Variants in SAMD5 observed in about 807,000 individuals in gnomAD.
SAMD5 encodes sterile alpha motif domain-containing protein 5.
A neutral mutation model predicts 11.3 loss-of-function variants in SAMD5; 13 were observed. That is an observed-to-expected ratio of 1.15 (90% confidence interval 0.75 to 1.83). The LOEUF (loss-of-function observed/expected upper bound fraction) is 1.83. Ranked by LOEUF, SAMD5 falls within the 40% of genes most tolerant of loss-of-function variation. The pLI is 0.00. For missense variants in SAMD5, 255 were observed against 239.1 expected (o/e 1.07, Z -0.44); for synonymous variants, 129 against 111.3 (o/e 1.16, Z -1.00).
chr6:147,920,636 C>T, the SAMD5 span, among the ~76,000 whole-genome samples: 1 of 152,140 alleles, frequency 6.6e-6, no homozygotes, highest in African/African-American at 2.4e-5. Flanking sequence ...AAACCTCAAG[C>T]TATTTTCTTC....
At chr6:147,532,585 A>G (rs1319809494) in intron 1 of SAMD5, among the ~76,000 whole-genome samples, 1 of 152,258 alleles carries the variant, frequency 6.6e-6, no homozygotes, top group Non-Finnish European at 1.5e-5. Context: ...TTGTGCTGCT[A>G]TAAACAAGTT....
At chr6:147,930,880 G>A in the SAMD5 span, among the ~76,000 whole-genome samples, 5 of 152,184 alleles carry the variant, frequency 3.3e-5, no homozygotes, top group East Asian at 1.9e-4. Context: ...GCCTGCAGCC[G>A]ATTGGATGGT....
the SAMD5 span, among the ~76,000 whole-genome samples, chr6:147,833,370 T>C: frequency 6.6e-6 from 1 of 152,238 alleles, no homozygotes; most frequent in Admixed American, 6.5e-5. Context: ...AAAGAAATCA[T>C]GGATTTGGAT....
the SAMD5 span, among the ~76,000 whole-genome samples, chr6:147,807,272 T>A: frequency 6.6e-6 from 1 of 152,012 alleles, no homozygotes; most frequent in Non-Finnish European, 1.5e-5. Context: ...GCTAATTTTT[T>A]TTTTGTACTT....
At chr6:147,510,445 A>T (rs1261018905) in intron 1 of SAMD5, among the ~76,000 whole-genome samples, 1 of 152,212 alleles carries the variant, frequency 6.6e-6, no homozygotes, top group African/African-American at 2.4e-5. Flanking sequence ...CAGCTTAAAA[A>T]TCAAGACTTA....
intron 1 of SAMD5, among the ~76,000 whole-genome samples, chr6:147,513,021 G>C (rs1788112806): frequency 6.6e-6 from 1 of 152,158 alleles, no homozygotes; most frequent in Non-Finnish European, 1.5e-5. Context: ...GGTCTTAAGG[G>C]AAAGAGTGTT....
the SAMD5 span, among the ~76,000 whole-genome samples, chr6:147,859,569 T>C: frequency 2.0e-5 from 3 of 152,174 alleles, no homozygotes; most frequent in African/African-American, 4.8e-5. Context: ...GATAAAACAA[T>C]TATCCAGTTT....
chr6:147,790,744 CTCTCTCTCTCTTTCTCTCTCTCTCTT>C, the SAMD5 span, among the ~76,000 whole-genome samples: 1 of 121,886 alleles, frequency 8.2e-6, no homozygotes, highest in African/African-American at 3.6e-5. Context: ...CTCTCTCTCT[CTCTCTCTCTCTTTCTCTCTCTCTCTT>C]TCTCTCTCTC....
In SAMD5 at chr6:147,564,503, C is replaced by A; in HGVS notation, c.*47C>A. On this transcript the variant is annotated 3_prime_UTR_variant, in exon 2 of 2. Transcript: ENST00000367474. ...GGAGGACTGATGAGGTGCCTGAAGA[C>A]TGGAAAAGGGCATATTTAGAACCTT... The A allele has an allele frequency of 1.2e-6, 1 of 833,056 alleles. No individual in the cohort carries two copies. The highest frequency in any genetic ancestry group is 2.1e-6 in the Non-Finnish European group (1 of 468,176). 51.6% of individuals were successfully genotyped at this position (833,056 alleles called of 1,614,324 possible). A position where few individuals can be genotyped will look rare whatever the true frequency, so the allele number is the denominator to read the frequency against.
At chr6:147,822,180 G>A in the SAMD5 span, among the ~76,000 whole-genome samples, 1 of 152,090 alleles carries the variant, frequency 6.6e-6, no homozygotes, top group Non-Finnish European at 1.5e-5. Flanking sequence ...CAACATTATT[G>A]TAATGTGACA....
chr6:147,528,709 A>C (rs1023945289), intron 1 of SAMD5, among the ~76,000 whole-genome samples: 1 of 152,186 alleles, frequency 6.6e-6, no homozygotes, highest in Non-Finnish European at 1.5e-5. Flanking sequence ...TGGAGCTTGA[A>C]TCTAACAGCT....
chr6:147,717,341 G>A (rs1200999046), intron 1 of SAMD5, among the ~76,000 whole-genome samples: 1 of 152,178 alleles, frequency 6.6e-6, no homozygotes, highest in Admixed American at 6.5e-5. Flanking sequence ...TTCCCAGATT[G>A]TATCCTCTCC....
At chr6:147,870,750 G>A in the SAMD5 span, among the ~76,000 whole-genome samples, 2 of 143,424 alleles carry the variant, frequency 1.4e-5, no homozygotes, top group East Asian at 2.2e-4. Flanking sequence ...AGGGGAGAGG[G>A]GGCAGGAAGT....
the SAMD5 span, among the ~76,000 whole-genome samples, chr6:147,783,758 T>A: frequency 3.3e-5 from 5 of 152,202 alleles, no homozygotes; most frequent in African/African-American, 9.6e-5. Flanking sequence ...GTAATGAGAT[T>A]TAATTACCAG....
rs555926076 is a variant in SAMD5, at chr6:147,509,307, A to G, written c.379A>G (p.Lys127Glu). 4 of 1,578,928 alleles carry G rather than the reference A, an allele frequency of 2.5e-6. No homozygotes were observed. The East Asian group carries it at 9.8e-5, about 39-fold the overall frequency. Residue 127 changes from lysine to glutamate, a missense_variant, in exon 1 of 2, where the codon AAA becomes GAA. Physicochemically the swap from Lys to Glu is moderately conservative, Grantham distance 56 (BLOSUM62 1). Coordinates refer to ENST00000367474, the MANE Select transcript of SAMD5 (RefSeq NM_001030060.3). ...CAGCAGGGAGCTGGTGAGCTACCCC[A>G]AACTGAAGCTGAAGATCATGATCAG... is the stretch of plus-strand genomic sequence containing the variant. Reference protein sequence around the residue: ...PRSRELVSYPKLKLKIMIRDK... With the variant: ...PRSRELVSYPELKLKIMIRDK...
At chr6:147,804,697 C>T in the SAMD5 span, among the ~76,000 whole-genome samples, 5 of 152,176 alleles carry the variant, frequency 3.3e-5, no homozygotes, top group Non-Finnish European at 5.9e-5. Flanking sequence ...GGTAGTATCT[C>T]GTTTCTTAGG....
chr6:147,903,826 T>C, the SAMD5 span, among the ~76,000 whole-genome samples: 603 of 151,870 alleles, frequency 4.0e-3, 3 homozygotes, highest in African/African-American at 0.013. Flanking sequence ...GAGAATTGCT[T>C]GAACCCAGGA....
At chr6:147,741,157 C>T (rs1038879606), downstream of SAMD5, among the ~76,000 whole-genome samples, 1 of 152,050 alleles carries the variant, frequency 6.6e-6, no homozygotes, top group African/African-American at 2.4e-5. Flanking sequence ...GACATTAGAT[C>T]TACTAGAGGT....
chr6:147,796,570 G>GA, the SAMD5 span, among the ~76,000 whole-genome samples: 1 of 152,124 alleles, frequency 6.6e-6, no homozygotes, highest in Non-Finnish European at 1.5e-5. Flanking sequence ...GGTTCCATAT[G>GA]AACTTTAAAG....
Sources: gnomAD v4.1 joint callset for allele counts (sites outside exome capture counted in the v4.1 genomes callset) on GRCh38, gnomAD v4.1.1 for gene constraint, MANE v1.5 for transcripts, NCBI Gene and HGNC (gene_info 2026-07-23, HGNC 2026-07-21) for gene names.